The following MED13L variants were observed in gnomAD, a reference collection of about 807,000 sequenced individuals.
MED13L encodes mediator complex subunit 13L.
In MED13L, 7 loss-of-function variants were observed where a neutral mutation model predicts 220.9. The observed-to-expected ratio is 0.03, with a 90% CI of 0.02 to 0.06. MED13L has a LOEUF of 0.06. Among genes scored for constraint, MED13L ranks in the 10% least tolerant of loss-of-function variants. MED13L has a pLI of 1.00. For missense variants in MED13L, 1,965 were observed against 2,760.5 expected (o/e 0.71, Z 6.46); for synonymous variants, 1,011 against 1,015.2 (o/e 1.00, Z 0.08).
At chr12:116,056,690 G>A (rs1241262889) in intron 4 of MED13L, among the ~76,000 whole-genome samples, 1 of 152,070 alleles carries the variant, frequency 6.6e-6, no homozygotes, top group Non-Finnish European at 1.5e-5. Context: ...GAAGTAATCA[G>A]GTGAATAAAG....
In MED13L at chr12:116,019,292, C is replaced by G. The variant is rs970819884; in HGVS notation, c.941G>C (p.Ser314Thr). ...CCCACAGTTACTTGGGTCCTTCACA[C>G]TACCAAGCCCTTGCTGCCCAACTGC... ...HIAVGQQGLG[S>T]VKDPSNCGMP... Residue 314 changes from serine (S) to threonine (T), a missense_variant, in exon 7 of 31, where the codon AGT becomes ACT. Transcript: ENST00000281928. 6.2e-7 allele frequency: 1 copy of G among 1,614,034 alleles called. No individual in the cohort carries two copies. The highest frequency in any genetic ancestry group is 8.5e-7 in the Non-Finnish European group (1 of 1,179,950).
At chr12:116,240,888 CAAAAAT>C (rs1421898281) in intron 1 of MED13L, among the ~76,000 whole-genome samples, 33 of 151,702 alleles carry the variant, frequency 2.2e-4, no homozygotes, top group Non-Finnish European at 1.3e-4. Flanking sequence ...AAGAAGGAAA[CAAAAAT>C]AAAAAGAAGT....
intron 4 of MED13L, among the ~76,000 whole-genome samples, chr12:116,088,792 A>T (rs1360699583): frequency 6.6e-6 from 1 of 151,984 alleles, no homozygotes; most frequent in African/African-American, 2.4e-5. Context: ...CTCCTTGCTT[A>T]AAAAAGAAAA....
chr12:116,171,774 T>C (rs1012154658), intron 2 of MED13L, among the ~76,000 whole-genome samples: 10 of 152,174 alleles, frequency 6.6e-5, no homozygotes, highest in African/African-American at 2.4e-4. Flanking sequence ...ATCCAGCTCT[T>C]TTCCACTCAC....
chr12:115,968,053 T>TCC lies in MED13L; in HGVS notation c.6225+885_6225+886dup, dbSNP rs57877420. Among the ~76,000 whole-genome samples the TCC allele has an allele frequency of 2.9e-3, 116 of 40,614 alleles. 1 individual carries two copies. Among genetic ancestry groups the TCC allele is most frequent in the South Asian group, 0.012 (8 of 692 alleles). 26.6% of individuals were successfully genotyped at this position (40,614 alleles called of 152,430 possible). A position where few individuals can be genotyped will look rare whatever the true frequency, so the allele number is the denominator to read the frequency against. On this transcript the variant is annotated intron_variant, in intron 28 of 30. Transcript: ENST00000281928. ...ATAAATTCAGTGCTGGGAATAAAAG[T>TCC]CCCCCCCCCCCCCCGATGAAAACTG...
intron 8 of MED13L, among the ~76,000 whole-genome samples, chr12:116,014,604 A>G (rs1879612378): frequency 6.6e-6 from 1 of 152,230 alleles, no homozygotes; most frequent in South Asian, 2.1e-4. Flanking sequence ...AGAAAAGAAC[A>G]TAATTTTCTC....
chr12:116,241,553 G>A (rs752349100), intron 1 of MED13L, among the ~76,000 whole-genome samples: 16 of 152,094 alleles, frequency 1.1e-4, no homozygotes, highest in Non-Finnish European at 1.9e-4. Context: ...ATTGTTTCAG[G>A]AGAATGGTTT....
At chr12:116,095,879 C>A (rs181336676) in intron 4 of MED13L, among the ~76,000 whole-genome samples, 2 of 152,190 alleles carry the variant, frequency 1.3e-5, no homozygotes, top group Admixed American at 1.3e-4. Context: ...TCAAGGATTG[C>A]ATTTAAACAC....
intron 1 of MED13L, among the ~76,000 whole-genome samples, chr12:116,243,933 A>G (rs1593202694): frequency 6.6e-6 from 1 of 152,290 alleles, no homozygotes. Flanking sequence ...ATTACATCCC[A>G]CTCATAAAAG....
intron 4 of MED13L, among the ~76,000 whole-genome samples, chr12:116,061,731 G>A (rs905145014): frequency 6.6e-6 from 1 of 152,108 alleles, no homozygotes; most frequent in South Asian, 2.1e-4. Flanking sequence ...TTCAAGGCCA[G>A]GCGTAGTGGC....
At chr12:115,977,753 T>C (rs1426433455) in intron 23 of MED13L, among the ~76,000 whole-genome samples, 1 of 152,076 alleles carries the variant, frequency 6.6e-6, no homozygotes, top group Non-Finnish European at 1.5e-5. Context: ...TCCCAGCACT[T>C]TGGGAGGCTG....
intron 2 of MED13L, among the ~76,000 whole-genome samples, chr12:116,232,607 A>G (rs1869670928): frequency 6.6e-6 from 1 of 152,200 alleles, no homozygotes; most frequent in Admixed American, 6.5e-5. Flanking sequence ...TTCGACAAAC[A>G]TTCTTAAGCA....
intron 1 of MED13L, among the ~76,000 whole-genome samples, chr12:116,253,158 A>G: frequency 8.8e-6 from 1 of 113,958 alleles, no homozygotes; most frequent in Non-Finnish European, 1.7e-5. Flanking sequence ...GCTACTTGGG[A>G]GGCTGAGGCA....
At chr12:115,998,662 A>G (rs185746325) in intron 14 of MED13L, among the ~76,000 whole-genome samples, 5 of 152,324 alleles carry the variant, frequency 3.3e-5, no homozygotes, top group African/African-American at 9.6e-5. Flanking sequence ...AGAACTTCTG[A>G]ATTACATAAT....
At chr12:116,132,858 T>G (rs1704646507) in intron 2 of MED13L, among the ~76,000 whole-genome samples, 1 of 151,436 alleles carries the variant, frequency 6.6e-6, no homozygotes, top group Non-Finnish European at 1.5e-5. Context: ...AGGCAGAGGC[T>G]GCAGTGAGCC....
chr12:116,115,510 T>C (rs1051024542), intron 2 of MED13L, among the ~76,000 whole-genome samples: 1 of 152,024 alleles, frequency 6.6e-6, no homozygotes, highest in Non-Finnish European at 1.5e-5. Context: ...TTCATCAAAA[T>C]GAAGAACTTT....
intron 4 of MED13L, among the ~76,000 whole-genome samples, chr12:116,078,185 G>A (rs1293366944): frequency 1.3e-5 from 2 of 149,862 alleles, no homozygotes; most frequent in African/African-American, 4.9e-5. Context: ...CAATTAAAAT[G>A]CTCTGCTGTG....
At chr12:116,202,405 A>G (rs901218853) in intron 2 of MED13L, among the ~76,000 whole-genome samples, 7 of 152,226 alleles carry the variant, frequency 4.6e-5, no homozygotes, top group African/African-American at 1.4e-4. Flanking sequence ...TTTTTAAAAG[A>G]TAAAGAAAAA....
At chr12:116,072,483 G>A (rs1030516103) in intron 4 of MED13L, among the ~76,000 whole-genome samples, 5 of 152,006 alleles carry the variant, frequency 3.3e-5, no homozygotes, top group African/African-American at 4.8e-5. Context: ...ATGGAGTCTC[G>A]CTCTGCCGCC....
Sources: allele counts gnomAD v4.1 joint callset (sites outside exome capture counted in the v4.1 genomes callset), GRCh38; gene constraint gnomAD v4.1.1; transcripts MANE v1.5; gene names NCBI Gene and HGNC (gene_info 2026-07-23, HGNC 2026-07-21).